Variants in DPP10 observed in about 807,000 individuals in gnomAD.
DPP10 encodes the protein inactive dipeptidyl peptidase 10.
A neutral mutation model predicts 120.9 loss-of-function variants in DPP10; 33 were observed. The observed-to-expected ratio is 0.27, with a 90% CI of 0.21 to 0.37. DPP10 has a LOEUF of 0.37. Among genes scored for constraint, DPP10 ranks in the 10% least tolerant of loss-of-function variants. The pLI is 1.00. For synonymous variants in DPP10, 337 were observed against 326.1 expected, an observed-to-expected ratio of 1.03 and a Z score of -0.36; for missense variants, 816 against 942.8, an observed-to-expected ratio of 0.87 and a Z score of 1.76.
At chr2:114,805,141 C>T (rs1239862949) in intron 1 of DPP10, among the ~76,000 whole-genome samples, 1 of 152,124 alleles carries the variant, frequency 6.6e-6, no homozygotes, top group Admixed American at 6.5e-5. Context: ...TAAGAAGTGC[C>T]TTTCACCTCC....
At chr2:114,632,680 T>C (rs1573841309) in intron 1 of DPP10, among the ~76,000 whole-genome samples, 1 of 151,726 alleles carries the variant, frequency 6.6e-6, no homozygotes. Context: ...GCCCAGCTAA[T>C]TTTTTGTATT....
chr2:115,079,438 G>A (rs1380320689), intron 1 of DPP10, among the ~76,000 whole-genome samples: 1 of 152,028 alleles, frequency 6.6e-6, no homozygotes, highest in African/African-American at 2.4e-5. Flanking sequence ...AGACAAACTA[G>A]GACACAGTGT....
At chr2:114,724,685 A>G (rs1005661379) in intron 1 of DPP10, among the ~76,000 whole-genome samples, 13 of 152,198 alleles carry the variant, frequency 8.5e-5, no homozygotes, top group Non-Finnish European at 1.6e-4. Context: ...ACTTTAAGGC[A>G]CAAAGACAGT....
chr2:115,246,446 T>C (rs1268847608), intron 1 of DPP10, among the ~76,000 whole-genome samples: 2 of 152,110 alleles, frequency 1.3e-5, no homozygotes, highest in East Asian at 1.9e-4. Context: ...CTTAAAAGAA[T>C]TGGTGGATTT....
rs1323873836 is a variant in DPP10 at position 114,532,274 on chromosome 2, TATATATATATATATATATATATACACAC to T, written c.60+89438_60+89465del. On this transcript the variant is annotated intron_variant, in intron 1 of 25. Coordinates refer to ENST00000410059, the MANE Select transcript of DPP10 (RefSeq NM_020868.6). Reference sequence around the variant, plus strand: ...AAATCTCCATATATATATATATATATATATATATATATATATATATATACACACACACACACACACACAGATACACACC... The same window carrying T: ...AAATCTCCATATATATATATATATATACACACACACACACAGATACACACC... 8.0e-4 allele frequency among the ~76,000 whole-genome samples: 35 copies of T among 43,854 alleles called. No homozygotes were observed. In the East Asian group the frequency reaches 0.049, roughly 61 times the overall value. The allele number at this position is 43,854 out of a possible 152,430, so 28.8% of individuals were successfully genotyped here.
chr2:114,680,755 A>G (rs1053050994), intron 1 of DPP10, among the ~76,000 whole-genome samples: 1 of 152,100 alleles, frequency 6.6e-6, no homozygotes, highest in African/African-American at 2.4e-5. Flanking sequence ...GGCTATTCAG[A>G]CATGTATTCA....
At chr2:115,758,575 T>G (rs1480183457) in intron 11 of DPP10, among the ~76,000 whole-genome samples, 1 of 152,154 alleles carries the variant, frequency 6.6e-6, no homozygotes, top group Non-Finnish European at 1.5e-5. Flanking sequence ...CCTTCTGATT[T>G]TTTTTGTAGA....
intron 1 of DPP10, among the ~76,000 whole-genome samples, chr2:115,252,642 T>A (rs1317040573): frequency 6.6e-6 from 1 of 152,198 alleles, no homozygotes; most frequent in Non-Finnish European, 1.5e-5. Context: ...GGGTTTGGTG[T>A]TCACTGGAGT....
At chr2:114,695,969 T>C (rs993145762) in intron 1 of DPP10, among the ~76,000 whole-genome samples, 1 of 152,114 alleles carries the variant, frequency 6.6e-6, no homozygotes, top group Non-Finnish European at 1.5e-5. Context: ...TCTTATAGTA[T>C]GGTATTTAGT....
intron 1 of DPP10, among the ~76,000 whole-genome samples, chr2:114,807,533 C>G (rs1386570421): frequency 1.3e-5 from 2 of 152,096 alleles, no homozygotes; most frequent in East Asian, 1.9e-4. Context: ...ATGGTAATAA[C>G]TTCCTTATTT....
chr2:114,570,837 A>T (rs1166722115), intron 1 of DPP10, among the ~76,000 whole-genome samples: 2 of 103,294 alleles, frequency 1.9e-5, no homozygotes, highest in East Asian at 3.9e-4. Context: ...TGTCTCAAAT[A>T]AAAAAAAAAA....
At chr2:115,439,801 G>T (rs2071856061) in intron 3 of DPP10, among the ~76,000 whole-genome samples, 1 of 152,230 alleles carries the variant, frequency 6.6e-6, no homozygotes, top group African/African-American at 2.4e-5. Flanking sequence ...TTATTAAAAA[G>T]TAGGATATAT....
chr2:115,009,750 A>C (rs1702127739), intron 1 of DPP10, among the ~76,000 whole-genome samples: 1 of 152,212 alleles, frequency 6.6e-6, no homozygotes, highest in Non-Finnish European at 1.5e-5. Context: ...CGTTCTGCAC[A>C]TGTATCCTAC....
At chr2:115,513,181 G>C (rs2077322449) in intron 4 of DPP10, among the ~76,000 whole-genome samples, 1 of 151,550 alleles carries the variant, frequency 6.6e-6, no homozygotes, top group Admixed American at 6.6e-5. Flanking sequence ...TATTTCATTT[G>C]ATGTTAGTGA....
intron 1 of DPP10, among the ~76,000 whole-genome samples, chr2:115,221,327 T>G (rs1336764506): frequency 2.0e-5 from 3 of 152,180 alleles, no homozygotes. Context: ...TTCACTCATT[T>G]GTGTTAGCAT....
At chr2:115,288,719 C>T (rs2060509496) in intron 1 of DPP10, among the ~76,000 whole-genome samples, 2 of 151,382 alleles carry the variant, frequency 1.3e-5, no homozygotes, top group Non-Finnish European at 2.9e-5. Context: ...AAGACTGCCT[C>T]AAAACAAAAA....
chr2:115,562,136 C>T (rs2080725282), intron 5 of DPP10, among the ~76,000 whole-genome samples: 2 of 152,174 alleles, frequency 1.3e-5, no homozygotes, highest in Admixed American at 1.3e-4. Flanking sequence ...TTTTCTGCTT[C>T]AAAAACCCAG....
intron 1 of DPP10, among the ~76,000 whole-genome samples, chr2:115,007,444 T>C (rs934086633): frequency 6.6e-6 from 1 of 152,146 alleles, no homozygotes; most frequent in Non-Finnish European, 1.5e-5. Flanking sequence ...ATAAGAGCTA[T>C]CCATGACAAA....
intron 1 of DPP10, among the ~76,000 whole-genome samples, chr2:114,907,458 C>G (rs1021084783): frequency 2.6e-5 from 4 of 152,004 alleles, no homozygotes; most frequent in Admixed American, 1.3e-4. Flanking sequence ...TCTTAAAGCG[C>G]TGCTTTTGCT....
Sources: allele counts gnomAD v4.1 joint callset (sites outside exome capture counted in the v4.1 genomes callset), GRCh38; gene constraint gnomAD v4.1.1; transcripts MANE v1.5; gene names NCBI Gene and HGNC (gene_info 2026-07-23, HGNC 2026-07-21).